MCC: variants seen among roughly 807,000 people sequenced by gnomAD.
The protein encoded by MCC is colorectal mutant cancer protein.
A neutral mutation model predicts 116.2 loss-of-function variants in MCC; 90 were observed. That is an observed-to-expected ratio of 0.77 (90% CI 0.65 to 0.92). The LOEUF (loss-of-function observed/expected upper bound fraction) is 0.92. Among genes scored for constraint, MCC ranks in the 40% least tolerant of loss-of-function variants. The probability of loss-of-function intolerance (pLI) is 0.00; values close to 1 mark genes in which losing one functional copy is unlikely to be tolerated. For synonymous variants in MCC, 578 were observed against 510.5 expected (o/e 1.13, Z -1.78); for missense variants, 1,516 against 1,312.2 (o/e 1.16, Z -2.40).
chr5:113,437,841 A>G (rs1770906778), intron 1 of MCC, among the ~76,000 whole-genome samples: 2 of 152,156 alleles, frequency 1.3e-5, no homozygotes, highest in Non-Finnish European at 2.9e-5. Context: ...TCTTGGGTAG[A>G]GTGAATAGGT....
intron 14 of MCC, among the ~76,000 whole-genome samples, chr5:113,060,271 C>T (rs916404685): frequency 5.9e-5 from 9 of 152,178 alleles, no homozygotes; most frequent in African/African-American, 2.2e-4. Flanking sequence ...TCTCCTGCCT[C>T]AGCCTCCTGA....
At chr5:113,031,062 C>A (rs1395792150) in intron 17 of MCC, among the ~76,000 whole-genome samples, 1 of 152,174 alleles carries the variant, frequency 6.6e-6, no homozygotes, top group African/African-American at 2.4e-5. Context: ...TATATCTAAT[C>A]TTTTACATTT....
At chr5:113,177,846 T>A (rs1217544457) in intron 3 of MCC, among the ~76,000 whole-genome samples, 2 of 152,218 alleles carry the variant, frequency 1.3e-5, no homozygotes. Flanking sequence ...GCCATCAAGT[T>A]AATGTATCAT....
At chr5:113,200,272 T>C (rs1283270545) in intron 3 of MCC, among the ~76,000 whole-genome samples, 2 of 152,160 alleles carry the variant, frequency 1.3e-5, no homozygotes, top group South Asian at 2.1e-4. Context: ...GTAAACATCA[T>C]GAATTTGAAA....
chr5:113,063,949 A>G (rs1753400027), intron 14 of MCC, 35 bp downstream of exon 14: 1 of 1,580,932 alleles, frequency 6.3e-7, no homozygotes, highest in Non-Finnish European at 8.6e-7. Flanking sequence ...CCATGTGGAC[A>G]CACGCCCACC....
intron 13 of MCC, among the ~76,000 whole-genome samples, chr5:113,064,439 G>A (rs1176433324): frequency 6.6e-6 from 1 of 152,224 alleles, no homozygotes; most frequent in African/African-American, 2.4e-5. Context: ...CCACATTTCT[G>A]TTTCCAGCTC....
In MCC at chr5:113,046,710, A is replaced by AAAAAAAAAAAAAAAAG; in HGVS notation, c.2655+2382_2655+2383insCTTTTTTTTTTTTTTT. On this transcript the variant is annotated intron_variant, in intron 16 of 18. Coordinates refer to ENST00000408903, the MANE Select transcript of MCC (RefSeq NM_001085377.2). Reference sequence around the variant, plus strand: ...CAAAAAAAAAAAAAAAAAAAAAAAAAAGAGAGAGATTTTGAAGGTGTTTGT... The same window carrying AAAAAAAAAAAAAAAAG: ...CAAAAAAAAAAAAAAAAAAAAAAAAAAAAAAAAAAAAAAAAGAGAGAGAGATTTTGAAGGTGTTTGT... Among the ~76,000 whole-genome samples the AAAAAAAAAAAAAAAAG allele has an allele frequency of 5.0e-3, 512 of 102,442 alleles. 84 individuals carry two copies. The highest frequency in any genetic ancestry group is 9.5e-3 in the African/African-American group (237 of 25,076). 67.2% of individuals were successfully genotyped at this position (102,442 alleles called of 152,430 possible).
At chr5:113,455,370 C>T (rs915700512) in intron 1 of MCC, among the ~76,000 whole-genome samples, 4 of 152,098 alleles carry the variant, frequency 2.6e-5, no homozygotes, top group African/African-American at 7.2e-5. Context: ...TTTTATGCTG[C>T]ACTCCCCCCC....
chr5:113,230,509 A>G (rs927613208), intron 3 of MCC, among the ~76,000 whole-genome samples: 4 of 152,226 alleles, frequency 2.6e-5, no homozygotes, highest in Non-Finnish European at 5.9e-5. Flanking sequence ...GCTGAAAGCT[A>G]TAATACCTTG....
At chr5:113,094,008 T>G (rs1755837280) in intron 8 of MCC, among the ~76,000 whole-genome samples, 1 of 152,168 alleles carries the variant, frequency 6.6e-6, no homozygotes, top group Non-Finnish European at 1.5e-5. Context: ...AAGTTCTACT[T>G]AATGAGCTTC....
In MCC at chr5:113,029,020, C is replaced by T. The variant is rs752063039; in HGVS notation, c.2793G>A (p.Val931=). Residue 931 remains valine, a synonymous_variant, in exon 18 of 19, where the codon GTG becomes GTA. Transcript: ENST00000408903. ...TCTTGGTGAGTCTCTCCAAGGCACT[C>T]ACCAGCTCTTGAACTCTGGCCTTCA... ...KKLKARVQEL[V]SALERLTKSS... 1 of 1,613,616 alleles carries T rather than the reference C, an allele frequency of 6.2e-7. No individual in the cohort carries two copies. Among genetic ancestry groups the T allele is most frequent in the Non-Finnish European group, 8.5e-7 (1 of 1,179,712 alleles).
intron 3 of MCC, among the ~76,000 whole-genome samples, chr5:113,187,308 C>T (rs546779756): frequency 5.9e-5 from 9 of 152,278 alleles, no homozygotes; most frequent in African/African-American, 2.2e-4. Flanking sequence ...CGGGTTTTGC[C>T]ATGTTGGCCA....
intron 3 of MCC, among the ~76,000 whole-genome samples, chr5:113,180,017 G>C (rs747368516): frequency 6.6e-6 from 1 of 152,144 alleles, no homozygotes; most frequent in Non-Finnish European, 1.5e-5. Context: ...ATGCCCTAGA[G>C]ATTTCTATTC....
At chr5:113,343,802 C>T (rs1768069039) in intron 2 of MCC, among the ~76,000 whole-genome samples, 1 of 152,108 alleles carries the variant, frequency 6.6e-6, no homozygotes, top group Non-Finnish European at 1.5e-5. Flanking sequence ...TACATTTAAA[C>T]TTTTTCTTTA....
At chr5:113,424,638 G>A (rs1487675920) in intron 1 of MCC, among the ~76,000 whole-genome samples, 1 of 152,038 alleles carries the variant, frequency 6.6e-6, no homozygotes, top group Non-Finnish European at 1.5e-5. Flanking sequence ...CCTTGAACCT[G>A]GGAGGCAAAG....
rs74620960 is a variant in MCC, at chr5:113,283,677, C to T, written c.627+56842G>A. On this transcript the variant is annotated intron_variant, in intron 3 of 18. Transcript: ENST00000408903. ...ATTATTCCCCCCGCAAAAAGAAAGG[C>T]GTATTGTCCCTGCTAGGCTCCAACA... Among the ~76,000 whole-genome samples the T allele has an allele frequency of 8.6e-3, 1,302 of 152,218 alleles. 21 individuals are homozygous for T. The highest frequency in any genetic ancestry group is 0.03 in the African/African-American group (1,248 of 41,546).
chr5:113,379,282 G>C (rs146836368), intron 2 of MCC, among the ~76,000 whole-genome samples: 209 of 152,340 alleles, frequency 1.4e-3, no homozygotes, highest in African/African-American at 4.8e-3. Flanking sequence ...TACAGCCTCA[G>C]TTTCCTCCTG....
intron 3 of MCC, among the ~76,000 whole-genome samples, chr5:113,336,251 A>C (rs779643595): frequency 6.7e-4 from 101 of 151,654 alleles, no homozygotes; most frequent in Non-Finnish European, 1.0e-3. Flanking sequence ...TTTCCATATG[A>C]ATTTTGGAGG....
At chr5:113,254,785 C>G (rs1374651885) in intron 3 of MCC, among the ~76,000 whole-genome samples, 1 of 152,198 alleles carries the variant, frequency 6.6e-6, no homozygotes, top group African/African-American at 2.4e-5. Flanking sequence ...AAACCATCTC[C>G]TTGGATTTTC....
Sources: gnomAD v4.1 joint callset for allele counts (sites outside exome capture counted in the v4.1 genomes callset) on GRCh38, gnomAD v4.1.1 for gene constraint, MANE v1.5 for transcripts, NCBI Gene and HGNC (gene_info 2026-07-23, HGNC 2026-07-21) for gene names.